Variants in DLGAP5 observed in about 807,000 individuals in gnomAD.
DLGAP5 encodes the protein DLG associated protein 5.
DLGAP5 carries 90 observed loss-of-function variants against 99.6 expected under a neutral mutation model. That is an observed-to-expected ratio of 0.90 (90% confidence interval 0.76 to 1.08). The LOEUF (loss-of-function observed/expected upper bound fraction) is 1.08, where lower values mean the gene tolerates loss of function less well. DLGAP5 is among the 50% of genes least tolerant of loss of function. DLGAP5 has a pLI of 0.00. For missense variants in DLGAP5, 1,036 were observed against 983.5 expected (o/e 1.05, Z -0.71); for synonymous variants, 311 against 321.3 (o/e 0.97, Z 0.34).
intron 15 of DLGAP5, among the ~76,000 whole-genome samples, chr14:55,154,121 T>TCC (rs963776498): frequency 1.3e-5 from 2 of 150,842 alleles, no homozygotes; most frequent in African/African-American, 4.9e-5. Flanking sequence ...ACACATTAAC[T>TCC]CCCCCCCCTT....
intron 16 of DLGAP5, 96 bp from the exon 17 acceptor site, chr14:55,152,037 G>T: frequency 8.4e-7 from 1 of 1,186,884 alleles, no homozygotes; most frequent in Non-Finnish European, 1.2e-6. Flanking sequence ...AAAAACAGAA[G>T]GATGACATCC....
rs957101513 is a variant in DLGAP5 at position 55,154,602 on chromosome 14, A to G, written c.2063+15T>C. ...CAGCAACTGTTAAACTCTTATTAAC[A>G]TGTTAAAGAAATACCTGCTTTCAGG... On this transcript the variant is annotated intron_variant, in intron 15 of 18. Transcript: ENST00000247191. The G allele has an allele frequency of 1.4e-5, 23 of 1,604,966 alleles. No individual in the cohort carries two copies. The highest frequency in any genetic ancestry group is 1.7e-5 in the Non-Finnish European group (20 of 1,172,104).
chr14:55,174,440 C>T (rs377150906), intron 10 of DLGAP5, among the ~76,000 whole-genome samples: 1 of 152,144 alleles, frequency 6.6e-6, no homozygotes, highest in African/African-American at 2.4e-5. Context: ...TTGTAAAGTA[C>T]TTGATGTCTG....
At position 55,189,171 on chromosome 14, in the gene DLGAP5, T is replaced by C; in HGVS notation, c.9A>G (p.Ser3=). The change falls in exon 2 of 19, where the codon TCA becomes TCG. Residue 3 remains serine, a synonymous_variant. Transcript: ENST00000247191. The stretch of plus-strand genomic sequence containing the variant: ...TCCTGTGTCGACTGGCAAAATGTGA[T>C]GAAGACATCCTGTCAAGGAAAAGGA... MS[S]SHFASRHRKD... is the part of the protein sequence containing the mutation. The C allele has an allele frequency of 6.2e-7, 1 of 1,612,334 alleles. No homozygotes were observed. Among genetic ancestry groups the C allele is most frequent in the Non-Finnish European group, 8.5e-7 (1 of 1,179,236 alleles).
chr14:55,152,581 T>A lies in DLGAP5; in HGVS notation c.2121+9A>T, dbSNP rs765536304. Reference sequence around the variant, plus strand: ...CTGGGCTATCTAACCACACTGGAATTGTACTTACATGATTTTCTTCAATTA... The same window carrying A: ...CTGGGCTATCTAACCACACTGGAATAGTACTTACATGATTTTCTTCAATTA... On this transcript the variant is annotated intron_variant, in intron 16 of 18. Coordinates refer to ENST00000247191, the MANE Select transcript of DLGAP5 (RefSeq NM_014750.5). 1 of 1,596,996 alleles carries A rather than the reference T, an allele frequency of 6.3e-7. No homozygotes were observed. The highest frequency in any genetic ancestry group is 8.5e-7 in the Non-Finnish European group (1 of 1,172,020).
At chr14:55,155,316 C>T (rs1453426468) in intron 14 of DLGAP5, among the ~76,000 whole-genome samples, 3 of 148,592 alleles carry the variant, frequency 2.0e-5, no homozygotes, top group Non-Finnish European at 3.0e-5. Flanking sequence ...TGAGCCACTG[C>T]GCCAGGCCTG....
At chr14:55,179,752 T>C (rs1239152915) in intron 6 of DLGAP5, 53 bp from the exon 7 acceptor site, 3 of 1,435,214 alleles carry the variant, frequency 2.1e-6, no homozygotes, top group Admixed American at 1.9e-5. Flanking sequence ...TACATGAAAA[T>C]ACTAGGTAAC....
Position 55,180,760 on chromosome 14 carries a change from G to A in DLGAP5, c.599C>T (p.Pro200Leu). The change falls in exon 6 of 19, where the codon CCC becomes CTC. Residue 200 changes from proline to leucine, a missense_variant. By Grantham distance (98) the Pro-to-Leu change is moderately conservative (BLOSUM62 -3). Coordinates refer to ENST00000247191, the MANE Select transcript of DLGAP5 (RefSeq NM_014750.5). ...KEKKVVQPVM[P>L]TSLRMTRSAT... Reference sequence around the variant, plus strand: ...TGATCGAGTCATTCTCAACGACGTGGGCATTACAGGCTGCACAACTGTGGG... The same window carrying A: ...TGATCGAGTCATTCTCAACGACGTGAGCATTACAGGCTGCACAACTGTGGG... 6.2e-7 allele frequency: 1 copy of A among 1,614,006 alleles called. No homozygotes were observed. Among genetic ancestry groups the A allele is most frequent in the South Asian group, 1.1e-5 (1 of 91,066 alleles).
intron 12 of DLGAP5, among the ~76,000 whole-genome samples, chr14:55,164,086 C>T (rs185185913): frequency 4.1e-4 from 63 of 152,200 alleles, no homozygotes; most frequent in Non-Finnish European, 6.0e-4. Flanking sequence ...CGAAGAGTTA[C>T]GCCACTGACA....
chr14:55,153,597 T>C (rs1163218389), intron 15 of DLGAP5, among the ~76,000 whole-genome samples: 1 of 152,020 alleles, frequency 6.6e-6, no homozygotes, highest in African/African-American at 2.4e-5. Context: ...AAAAAAGATA[T>C]GCTCTATTTT....
chr14:55,156,007 CG>C (rs1022462716), intron 14 of DLGAP5, among the ~76,000 whole-genome samples: 5 of 151,812 alleles, frequency 3.3e-5, no homozygotes, highest in African/African-American at 1.2e-4. Flanking sequence ...AGGAGAATGG[CG>C]TGAACCCAGG....
chr14:55,169,729 T>C (rs949401019), intron 11 of DLGAP5, among the ~76,000 whole-genome samples, 170 bp from the exon 12 acceptor site: 2 of 152,248 alleles, frequency 1.3e-5, no homozygotes, highest in African/African-American at 4.8e-5. Context: ...GTACTAACTA[T>C]TTGCTTCAAT....
chr14:55,182,458 C>T, intron 3 of DLGAP5, 26 bp from the exon 4 acceptor site: 1 of 1,577,238 alleles, frequency 6.3e-7, no homozygotes, highest in Non-Finnish European at 8.6e-7. Flanking sequence ...AGAAGATGAA[C>T]TTAAAATATG....
intron 7 of DLGAP5, 50 bp downstream of exon 7, chr14:55,179,579 G>C: frequency 3.4e-6 from 5 of 1,458,628 alleles, no homozygotes; most frequent in Non-Finnish European, 4.7e-6. Context: ...TATGAAAGTA[G>C]CAATGAGATT....
chr14:55,156,360 T>C (rs765955778), intron 14 of DLGAP5, among the ~76,000 whole-genome samples: 1 of 152,178 alleles, frequency 6.6e-6, no homozygotes. Context: ...GACAGGGTAC[T>C]ACATGGAAAA....
At chr14:55,179,525 T>C in intron 7 of DLGAP5, 104 bp downstream of exon 7, 1 of 893,986 alleles carries the variant, frequency 1.1e-6, no homozygotes, top group Non-Finnish European at 1.7e-6. Context: ...AACACACATG[T>C]AGGTTAACCT....
chr14:55,167,664 AAGG>A lies in DLGAP5; in HGVS notation c.1548+1732_1548+1734del, dbSNP rs569435090. On this transcript the variant is annotated intron_variant, in intron 12 of 18. Coordinates refer to ENST00000247191, the MANE Select transcript of DLGAP5 (RefSeq NM_014750.5). ...CATTTTCCTGAGAAAGGGTACATGG[AAGG>A]AGGTGAACTTTGAGATCTTGTGTGT... is the stretch of plus-strand genomic sequence containing the variant. 6.6e-5 allele frequency among the ~76,000 whole-genome samples: 10 copies of A among 152,264 alleles called. No homozygotes were observed. The South Asian group carries it at 2.1e-3, about 32-fold the overall frequency.
chr14:55,153,336 T>C (rs534474633), intron 15 of DLGAP5, among the ~76,000 whole-genome samples: 15 of 152,020 alleles, frequency 9.9e-5, no homozygotes, highest in Non-Finnish European at 2.1e-4. Context: ...GGTCAGGAGA[T>C]TGAGACCATC....
chr14:55,154,761 G>A lies in DLGAP5; in HGVS notation c.1919C>T (p.Pro640Leu). 1 of 1,614,082 alleles carries A rather than the reference G, an allele frequency of 6.2e-7. No individual in the cohort carries two copies. The highest frequency in any genetic ancestry group is 8.5e-7 in the Non-Finnish European group (1 of 1,179,992). Reference sequence around the variant, plus strand: ...AGATACAGCTTTGTTGACAGACTTAGGTGTTCCAAGTCTTTGAGAAGGGCC... The same window carrying A: ...AGATACAGCTTTGTTGACAGACTTAAGTGTTCCAAGTCTTTGAGAAGGGCC... Reference protein sequence around the residue: ...SEGPSQRLGTPKSVNKAVSQS... With the variant: ...SEGPSQRLGTLKSVNKAVSQS... Residue 640 changes from proline (P) to leucine (L), a missense_variant, in exon 15 of 19, where the codon CCT (proline) becomes CTT (leucine). Physicochemically the swap from Pro to Leu is moderately conservative, Grantham distance 98 (BLOSUM62 -3). Transcript: ENST00000247191.
Sources: allele counts gnomAD v4.1 joint callset (sites outside exome capture counted in the v4.1 genomes callset), GRCh38; gene constraint gnomAD v4.1.1; transcripts MANE v1.5; gene names NCBI Gene and HGNC (gene_info 2026-07-23, HGNC 2026-07-21).